GRIK4: variants seen among roughly 807,000 people sequenced by gnomAD.
GRIK4 encodes the protein glutamate receptor ionotropic, kainate 4.
In GRIK4, 40 loss-of-function variants were observed where a neutral mutation model predicts 104.9. The ratio of observed to expected loss-of-function variants is 0.38; its 90% confidence interval spans 0.30 to 0.50. The LOEUF (loss-of-function observed/expected upper bound fraction) is 0.50, where lower values mean the gene tolerates loss of function less well. Among genes scored for constraint, GRIK4 ranks in the 20% least tolerant of loss-of-function variants. The pLI, the probability that GRIK4 is intolerant of heterozygous loss-of-function variation, is 0.93. For synonymous variants in GRIK4, 485 were observed against 524.9 expected (o/e 0.92, Z 1.04); for missense variants, 1,047 against 1,308.1 (o/e 0.80, Z 3.08).
At chr11:120,618,391 A>G (rs1413223990) in intron 1 of GRIK4, among the ~76,000 whole-genome samples, 2 of 152,268 alleles carry the variant, frequency 1.3e-5, no homozygotes, top group Non-Finnish European at 2.9e-5. Context: ...GGAGAAGAGC[A>G]TGAAACTGGA....
intron 1 of GRIK4, among the ~76,000 whole-genome samples, chr11:120,580,961 C>T (rs985626437): frequency 6.6e-6 from 1 of 152,108 alleles, no homozygotes; most frequent in African/African-American, 2.4e-5. Flanking sequence ...TTTGTTTCTC[C>T]GTTTTATGAG....
rs367593579 is a variant in GRIK4 at position 120,956,827 on chromosome 11, G to A, written c.1748G>A (p.Arg583Gln). 36 of 1,613,606 alleles carry A rather than the reference G, an allele frequency of 2.2e-5. No homozygotes were observed. Among genetic ancestry groups the A allele is most frequent in the Admixed American group, 8.3e-5 (5 of 59,990 alleles). Residue 583 changes from arginine (R) to glutamine (Q), a missense_variant, in exon 16 of 21, where the codon CGG becomes CAG. Arg to Gln is a conservative substitution (Grantham distance 43, BLOSUM62 1). Coordinates refer to ENST00000527524, the MANE Select transcript of GRIK4 (RefSeq NM_014619.5). This position sits in a 1 kb window ranked among gnomAD's most constrained non-coding sequence, Gnocchi z 4.6. ...WYSPHPCAQG[R>Q]CNLLVNQYSL... ...AGCCCACACCCATGTGCCCAGGGCC[G>A]GTGCAACCTCCTGGTGAACCAGTAC...
intron 1 of GRIK4, among the ~76,000 whole-genome samples, chr11:120,572,496 C>T (rs189195947): frequency 6.6e-6 from 1 of 152,220 alleles, no homozygotes; most frequent in East Asian, 1.9e-4. Flanking sequence ...AGAGAGCATG[C>T]CTGTCTCCTT....
chr11:120,845,846 A>T (rs1565388731), intron 8 of GRIK4, among the ~76,000 whole-genome samples: 2 of 152,256 alleles, frequency 1.3e-5, no homozygotes, highest in Non-Finnish European at 2.9e-5. Flanking sequence ...ATGAATAAAT[A>T]TGTTTTAGTG....
Position 120,890,435 on chromosome 11 carries a change from A to G in GRIK4, c.1165-8097A>G, listed in dbSNP as rs182383841. On this transcript the variant is annotated intron_variant, in intron 11 of 20. Coordinates refer to ENST00000527524, the MANE Select transcript of GRIK4 (RefSeq NM_014619.5). The stretch of plus-strand genomic sequence containing the variant: ...TGGCCTCTTTGAAGTGACTCCCTTC[A>G]GGACTATATTTAGTAAACAAGTTCA... Among the ~76,000 whole-genome samples, 615 of 152,328 alleles carry G rather than the reference A, an allele frequency of 4.0e-3. 5 individuals are homozygous for G. Among genetic ancestry groups the G allele is most frequent in the Admixed American group, 0.01 (160 of 15,304 alleles).
chr11:120,719,581 G>C (rs2135372478), intron 3 of GRIK4, among the ~76,000 whole-genome samples: 1 of 152,260 alleles, frequency 6.6e-6, no homozygotes, highest in East Asian at 1.9e-4. Context: ...GTCTCCTAGA[G>C]GCCTAGTGAG....
intron 18 of GRIK4, among the ~76,000 whole-genome samples, chr11:120,964,805 G>C (rs913239177): frequency 6.6e-6 from 1 of 152,206 alleles, no homozygotes; most frequent in Non-Finnish European, 1.5e-5. Flanking sequence ...CCATCCTATA[G>C]AGGACAGAAC....
chr11:120,938,064 G>T (rs1255634264), intron 13 of GRIK4, among the ~76,000 whole-genome samples: 1 of 152,006 alleles, frequency 6.6e-6, no homozygotes, highest in Middle Eastern at 3.2e-3. Flanking sequence ...CTTTCCTCCA[G>T]TTTCTTCATT....
intron 18 of GRIK4, among the ~76,000 whole-genome samples, chr11:120,965,499 G>T (rs1307807924): frequency 1.3e-5 from 2 of 152,184 alleles, no homozygotes; most frequent in Non-Finnish European, 2.9e-5. Flanking sequence ...TGGGGTTCGG[G>T]TCCAACAATG....
At chr11:120,598,273 G>A (rs1028722601) in intron 1 of GRIK4, among the ~76,000 whole-genome samples, 2 of 152,170 alleles carry the variant, frequency 1.3e-5, no homozygotes, top group African/African-American at 4.8e-5. Context: ...TTATGAAACG[G>A]CTTGCTGTGC....
intron 3 of GRIK4, among the ~76,000 whole-genome samples, chr11:120,763,707 T>C (rs907494299): frequency 2.6e-5 from 4 of 152,346 alleles, no homozygotes; most frequent in African/African-American, 9.6e-5. Context: ...ATTTACCCAG[T>C]AGTCATTCAG....
At chr11:120,827,762 G>A (rs1027436137) in intron 6 of GRIK4, among the ~76,000 whole-genome samples, 3 of 152,186 alleles carry the variant, frequency 2.0e-5, no homozygotes, top group African/African-American at 7.2e-5. Context: ...AGACATCAAC[G>A]TTTTACTAGT....
intron 1 of GRIK4, among the ~76,000 whole-genome samples, chr11:120,652,568 C>T (rs1055927978): frequency 2.6e-5 from 4 of 151,950 alleles, no homozygotes; most frequent in Non-Finnish European, 5.9e-5. Context: ...TTCTCCCAGC[C>T]AGTGGGGGAG....
At chr11:120,933,505 A>G (rs2134616637) in intron 13 of GRIK4, among the ~76,000 whole-genome samples, 1 of 152,296 alleles carries the variant, frequency 6.6e-6, no homozygotes. Context: ...AAGCAAACTG[A>G]GGCTTAGAAA....
At chr11:120,546,534 A>T (rs1948087008) in intron 1 of GRIK4, among the ~76,000 whole-genome samples, 1 of 152,122 alleles carries the variant, frequency 6.6e-6, no homozygotes, top group African/African-American at 2.4e-5. Flanking sequence ...AGATCCACCT[A>T]GAGGAAGGGG....
At chr11:120,957,744 A>T (rs1369960298) in intron 16 of GRIK4, among the ~76,000 whole-genome samples, 1 of 152,040 alleles carries the variant, frequency 6.6e-6, no homozygotes, top group East Asian at 1.9e-4. Flanking sequence ...CTTCCTTCTC[A>T]GCCTGTTTAG....
rs1483853662 is a variant in GRIK4 at position 120,879,984 on chromosome 11, C to CT, written c.1164+4744dup. 5.8e-4 allele frequency among the ~76,000 whole-genome samples: 89 copies of CT among 152,330 alleles called. 1 individual carries two copies. The highest frequency in any genetic ancestry group is 2.1e-3 in the African/African-American group (89 of 41,578). On this transcript the variant is annotated intron_variant, in intron 11 of 20. Transcript: ENST00000527524. ...GAGATTCTGAGCAGCCCCCAAGCAA[C>CT]TTTGTTAGTGCTGTAATAAGATGAG...
chr11:120,567,291 C>G (rs554095606), intron 1 of GRIK4, among the ~76,000 whole-genome samples: 1 of 152,190 alleles, frequency 6.6e-6, no homozygotes, highest in Admixed American at 6.5e-5. Context: ...TCCCAAATAG[C>G]TGGGAATGCA....
Position 120,812,758 on chromosome 11 carries a change from G to A in GRIK4, c.248-2620G>A, listed in dbSNP as rs77358540. Among the ~76,000 whole-genome samples, 70 of 152,334 alleles carry A rather than the reference G, an allele frequency of 4.6e-4. 1 individual carries two copies. The East Asian group carries it at 0.01, about 22-fold the overall frequency. ...GCCAGAGGGAAGGCCCTGTGGCAACGTCCAGCAGGTGGTTGGAACTTGACT... is the reference window on the plus strand; with the variant it reads ...GCCAGAGGGAAGGCCCTGTGGCAACATCCAGCAGGTGGTTGGAACTTGACT... On this transcript the variant is annotated intron_variant, in intron 4 of 20. Transcript: ENST00000527524.
Sources: gnomAD v4.1 joint callset for allele counts (sites outside exome capture counted in the v4.1 genomes callset) on GRCh38, gnomAD v4.1.1 for gene constraint, Gnocchi (gnomAD v3.1) non-coding constraint, MANE v1.5 for transcripts, NCBI Gene and HGNC (gene_info 2026-07-23, HGNC 2026-07-21) for gene names.